The following SPRY3 variants were observed in gnomAD, a reference collection of about 807,000 sequenced individuals.
SPRY3 encodes protein sprouty homolog 3.
Under a neutral mutation model 20.2 loss-of-function variants are expected in SPRY3, and 15 were observed. That is an observed-to-expected ratio of 0.74 (90% CI 0.50 to 1.14). The LOEUF (loss-of-function observed/expected upper bound fraction) is 1.14, where lower values mean the gene tolerates loss of function less well. Ranked by LOEUF, SPRY3 falls within the 50% of genes most tolerant of loss-of-function variation. The pLI is 0.00. For missense variants in SPRY3, 364 were observed against 363.9 expected (o/e 1.00, Z 0.00); for synonymous variants, 143 against 136.5 (o/e 1.05, Z -0.33).
At chrX:155,780,169 A>G (rs1352017769), downstream of SPRY3, 2 of 167,002 alleles carry the variant, frequency 1.2e-5, no homozygotes, top group Non-Finnish European at 2.9e-5. Flanking sequence ...ATTCTAACCC[A>G]CACATTGTCA....
chrX:155,667,378 T>C (rs1168019403), intron 2 of SPRY3, among the ~76,000 whole-genome samples: 1 of 110,917 alleles, frequency 9.0e-6, no homozygotes, highest in Non-Finnish European at 1.9e-5. Context: ...GGGAAATTGG[T>C]AATGTCTGGG....
intron 2 of SPRY3, among the ~76,000 whole-genome samples, chrX:155,731,953 A>C (rs1254179715): frequency 6.6e-6 from 1 of 152,040 alleles, no homozygotes; most frequent in Non-Finnish European, 1.5e-5. Context: ...TTTGGAAACA[A>C]AACACATCAT....
intron 2 of SPRY3, among the ~76,000 whole-genome samples, chrX:155,756,597 A>G (rs1236623709): frequency 1.3e-5 from 2 of 152,162 alleles, no homozygotes; most frequent in Non-Finnish European, 2.9e-5. Flanking sequence ...AGATAGGCTC[A>G]GGTTAGGATA....
At chrX:155,767,798 C>A (rs1180666684) in intron 2 of SPRY3, 164 bp from the exon 2 acceptor site, 1 of 135,378 alleles carries the variant, frequency 7.4e-6, no homozygotes, top group Non-Finnish European at 1.6e-5. Context: ...AACAACTTAC[C>A]CTGCTGAGCT....
chrX:155,677,349 T>G lies in SPRY3; in HGVS notation c.-282+20324T>G, dbSNP rs145125930. Among the ~76,000 whole-genome samples, 771 of 111,783 alleles carry G rather than the reference T, an allele frequency of 6.9e-3. 6 individuals carry two copies. Among genetic ancestry groups the G allele is most frequent in the African/African-American group, 0.024 (730 of 30,819 alleles). On this transcript the variant is annotated intron_variant, in intron 2 of 3. Coordinates refer to ENST00000675360, the Ensembl canonical transcript of SPRY3. Reference sequence around the variant, plus strand: ...GGGTTCCACCAGGAAACATTTTCCTTACACTCTCCTGGCATCTGTCTGTTT... The same window carrying G: ...GGGTTCCACCAGGAAACATTTTCCTGACACTCTCCTGGCATCTGTCTGTTT...
At chrX:155,778,985 A>T (rs902721987), downstream of SPRY3, 2 of 167,074 alleles carry the variant, frequency 1.2e-5, no homozygotes, top group Non-Finnish European at 1.5e-5. Context: ...GAACAAATAA[A>T]AAGCATGTCA....
chrX:155,738,686 G>A (rs1011874349), intron 2 of SPRY3, among the ~76,000 whole-genome samples: 1 of 152,090 alleles, frequency 6.6e-6, no homozygotes, highest in African/African-American at 2.4e-5. Context: ...GGGAAACCAC[G>A]CTTTTCCCAC....
chrX:155,746,192 G>A (rs909413807), intron 2 of SPRY3, among the ~76,000 whole-genome samples: 1 of 151,924 alleles, frequency 6.6e-6, no homozygotes, highest in African/African-American at 2.4e-5. Context: ...AAAGTTTCAT[G>A]TTACTTTCTT....
intron 2 of SPRY3, among the ~76,000 whole-genome samples, chrX:155,746,442 A>G (rs1428851237): frequency 6.6e-6 from 1 of 152,046 alleles, no homozygotes; most frequent in Non-Finnish European, 1.5e-5. Flanking sequence ...AAAAGGCAAT[A>G]CAAAGACCTT....
At chrX:155,728,087 C>G (rs2091110677) in intron 2 of SPRY3, among the ~76,000 whole-genome samples, 1 of 152,150 alleles carries the variant, frequency 6.6e-6, no homozygotes, top group Admixed American at 6.5e-5. Context: ...TGCTGGAGGT[C>G]CACTCCAGAA....
At chrX:155,750,542 T>A (rs764314013) in intron 2 of SPRY3, among the ~76,000 whole-genome samples, 2 of 151,984 alleles carry the variant, frequency 1.3e-5, no homozygotes, top group South Asian at 4.2e-4. Context: ...GTAAAGAAAG[T>A]GTTTCAAGAA....
At chrX:155,676,677 C>T (rs1174226487) in intron 2 of SPRY3, among the ~76,000 whole-genome samples, 1 of 112,200 alleles carries the variant, frequency 8.9e-6, no homozygotes, top group Non-Finnish European at 1.9e-5. Flanking sequence ...CCTCACAATT[C>T]TGGAGGTTGG....
At chrX:155,681,097 G>C (rs2124566956) in intron 2 of SPRY3, among the ~76,000 whole-genome samples, 1 of 111,185 alleles carries the variant, frequency 9.0e-6, no homozygotes, top group East Asian at 2.9e-4. Context: ...GTGTGATCTG[G>C]TTTGGCTGTG....
intron 2 of SPRY3, among the ~76,000 whole-genome samples, chrX:155,717,417 C>T (rs1472839415): frequency 1.3e-5 from 2 of 152,036 alleles, no homozygotes; most frequent in Admixed American, 1.3e-4. Flanking sequence ...ACTTTAAGTT[C>T]TGGGATACAC....
chrX:155,741,810 C>G (rs1281744624), intron 2 of SPRY3, among the ~76,000 whole-genome samples: 2 of 152,070 alleles, frequency 1.3e-5, no homozygotes, highest in Admixed American at 1.3e-4. Context: ...GAATTTATCA[C>G]CACCAGGCCT....
rs186957664 is a variant in SPRY3 at position 155,737,506 on chromosome X, C to A, written c.-281-30456C>A. On this transcript the variant is annotated intron_variant, in intron 2 of 3. Transcript: ENST00000675360. ...GTACTATGTAAGAACATAGAAAGGG[C>A]AATATAACGCAGATGGGGAGTTAGG... Among the ~76,000 whole-genome samples the A allele has an allele frequency of 4.8e-3, 728 of 152,110 alleles. 4 individuals carry two copies. The highest frequency in any genetic ancestry group is 0.016 in the African/African-American group (674 of 41,516).
chrX:155,722,044 AC>A (rs201255177), intron 2 of SPRY3, among the ~76,000 whole-genome samples: 4 of 146,718 alleles, frequency 2.7e-5, no homozygotes, highest in African/African-American at 5.4e-5. Context: ...ATAAATAGGA[AC>A]AAAAAAAATT....
chrX:155,614,063 CAT>C (rs2067841894), intron 1 of SPRY3, among the ~76,000 whole-genome samples: 1 of 111,526 alleles, frequency 9.0e-6, no homozygotes, highest in South Asian at 3.7e-4. Context: ...GTGAATGTAA[CAT>C]AAAGAGGAAA....
intron 2 of SPRY3, among the ~76,000 whole-genome samples, chrX:155,734,637 G>GA (rs932333824): frequency 5.6e-4 from 83 of 147,904 alleles, no homozygotes; most frequent in African/African-American, 9.7e-4. Flanking sequence ...TCTTCAATTT[G>GA]AAAAAAAAAC....
Sources: allele counts gnomAD v4.1 joint callset (sites outside exome capture counted in the v4.1 genomes callset), GRCh38; gene constraint gnomAD v4.1.1; transcripts MANE v1.5; gene names NCBI Gene and HGNC (gene_info 2026-07-23, HGNC 2026-07-21).